Variants in AMTN observed in about 807,000 individuals in gnomAD.
The protein encoded by AMTN is amelotin.
Under a neutral mutation model 27.4 loss-of-function variants are expected in AMTN, and 29 were observed. The ratio of observed to expected loss-of-function variants is 1.06; its 90% CI spans 0.79 to 1.44. The LOEUF is 1.44. AMTN is among the 40% of genes most tolerant of loss of function. The pLI is 0.00. For synonymous variants in AMTN, 86 were observed against 95.7 expected (o/e 0.90, Z 0.59); for missense variants, 247 against 248.8 (o/e 0.99, Z 0.05).
chr4:70,531,370 C>T, intron 8 of AMTN, 70 bp downstream of exon 8: 1 of 1,580,166 alleles, frequency 6.3e-7, no homozygotes, highest in Non-Finnish European at 8.6e-7. Flanking sequence ...AAGAGGAGTT[C>T]TTTGTCTTGC....
intron 5 of AMTN, among the ~76,000 whole-genome samples, 189 bp from the exon 6 acceptor site, chr4:70,528,534 C>G (rs1280597423): frequency 6.6e-6 from 1 of 152,070 alleles, no homozygotes; most frequent in East Asian, 1.9e-4. Context: ...ACTGTAATCC[C>G]AGCTACTCAG....
At chr4:70,528,439 AG>A in intron 5 of AMTN, among the ~76,000 whole-genome samples, 1 of 152,298 alleles carries the variant, frequency 6.6e-6, no homozygotes, top group Admixed American at 6.5e-5. Context: ...TCACAATGTC[AG>A]GAGTTTGAGA....
chr4:70,520,495 A>G (rs1346932007), intron 2 of AMTN, among the ~76,000 whole-genome samples: 3 of 152,242 alleles, frequency 2.0e-5, no homozygotes, highest in African/African-American at 7.2e-5. Flanking sequence ...AAATAAATAC[A>G]AGACAAATCA....
intron 5 of AMTN, among the ~76,000 whole-genome samples, chr4:70,527,080 G>A (rs1418714450): frequency 6.6e-6 from 1 of 152,134 alleles, no homozygotes; most frequent in East Asian, 1.9e-4. Flanking sequence ...CTTATATGAT[G>A]TTGGCCAAGT....
chr4:70,520,161 G>A (rs1211269198), intron 2 of AMTN, among the ~76,000 whole-genome samples: 3 of 152,212 alleles, frequency 2.0e-5, no homozygotes, highest in Non-Finnish European at 4.4e-5. Flanking sequence ...TCTCATGTGA[G>A]GTGGGCTGAG....
intron 2 of AMTN, 27 bp downstream of exon 2, chr4:70,518,858 G>A: frequency 6.3e-7 from 1 of 1,586,626 alleles, no homozygotes; most frequent in Non-Finnish European, 8.7e-7. Context: ...TGTTTTATAT[G>A]CCAGCCAGTT....
chr4:70,519,284 T>C (rs34126245), intron 2 of AMTN, among the ~76,000 whole-genome samples: 67,974 of 152,032 alleles, frequency 0.45, 15,987 homozygotes, highest in Admixed American at 0.52. Flanking sequence ...ATCAAAGGCA[T>C]ATGATTAAAA....
chr4:70,520,844 G>A (rs1451093147), intron 2 of AMTN, among the ~76,000 whole-genome samples: 1 of 152,160 alleles, frequency 6.6e-6, no homozygotes. Context: ...GGAAATTCAA[G>A]TAAAGAAACA....
At chr4:70,520,745 A>C (rs1735935128) in intron 2 of AMTN, among the ~76,000 whole-genome samples, 1 of 152,164 alleles carries the variant, frequency 6.6e-6, no homozygotes, top group Admixed American at 6.5e-5. Context: ...ATCCCAGAGC[A>C]GGGTGAGATG....
Position 70,522,969 on chromosome 4 carries a change from G to T in AMTN, c.138+131G>T, listed in dbSNP as rs528708150. 3.2e-5 allele frequency: 24 copies of T among 746,564 alleles called. No individual in the cohort carries two copies. In the African/African-American group the frequency reaches 4.2e-4, roughly 13 times the overall value. The allele number at this position is 746,564 out of a possible 1,614,324, so 46.2% of individuals were successfully genotyped here. ...ATTTACATGAAGACTGTACAAGACT[G>T]AACAAGAGAGAGGCTTTTCGTTTGG... On this transcript the variant is annotated intron_variant, in intron 3 of 8. Coordinates refer to ENST00000339336, the MANE Select transcript of AMTN (RefSeq NM_212557.4).
chr4:70,524,727 C>G, intron 4 of AMTN, 145 bp from the exon 5 acceptor site: 1 of 743,536 alleles, frequency 1.3e-6, no homozygotes, highest in East Asian at 2.7e-5. Flanking sequence ...ATCTTTGTGT[C>G]TAAGTATACA....
chr4:70,524,959 CAT>C lies in AMTN; in HGVS notation c.293_294del (p.His98ArgfsTer47). ...GLNVQQQLHP[H>X]VLPIFVTQLG... ...GAATGTACAACAGCAACTGCACCCA[CAT>C]GTAAGTTGAACAGCTGGACCTTAGT... On this transcript the variant is annotated frameshift_variant and splice_region_variant, in exon 5 of 9. Transcript: ENST00000339336. LOFTEE classifies it high-confidence loss of function. The C allele has an allele frequency of 6.2e-7, 1 of 1,613,644 alleles. No homozygotes were observed. Among genetic ancestry groups the C allele is most frequent in the Non-Finnish European group, 8.5e-7 (1 of 1,179,596 alleles).
rs192264608 is a variant in AMTN at position 70,526,164 on chromosome 4, C to T, written c.294+1203C>T. Among the ~76,000 whole-genome samples, 974 of 152,140 alleles carry T rather than the reference C, an allele frequency of 6.4e-3. 7 individuals are homozygous for T. Among genetic ancestry groups the T allele is most frequent in the Middle Eastern group, 0.01 (3 of 294 alleles). ...TAAAATTCACTTGGAATCTCATTAG[C>T]CATAATCAAACACTGTCAACATTCT... On this transcript the variant is annotated intron_variant, in intron 5 of 8. Coordinates refer to ENST00000339336, the MANE Select transcript of AMTN (RefSeq NM_212557.4).
intron 5 of AMTN, among the ~76,000 whole-genome samples, chr4:70,527,512 G>A (rs1478150584): frequency 6.6e-6 from 1 of 152,042 alleles, no homozygotes; most frequent in Non-Finnish European, 1.5e-5. Flanking sequence ...GTCCTTTTTT[G>A]TCAGTAGAGA....
At position 70,529,313 on chromosome 4, in the gene AMTN, T is replaced by C. The variant is rs555106583; in HGVS notation, c.357+103T>C. On this transcript the variant is annotated intron_variant, in intron 7 of 8. Transcript: ENST00000339336. Reference sequence around the variant, plus strand: ...GACCATAAATCCTAAATATGGTATGTACTACAATGAACTGAACATTTTTAT... The same window carrying C: ...GACCATAAATCCTAAATATGGTATGCACTACAATGAACTGAACATTTTTAT... 2.1e-5 allele frequency: 17 copies of C among 795,892 alleles called. No individual in the cohort carries two copies. The South Asian group carries it at 4.4e-4, about 21-fold the overall frequency. 49.3% of individuals were successfully genotyped at this position (795,892 alleles called of 1,614,324 possible).
chr4:70,524,048 A>G, intron 4 of AMTN, 115 bp downstream of exon 4: 1 of 755,618 alleles, frequency 1.3e-6, no homozygotes, highest in Non-Finnish European at 2.1e-6. Flanking sequence ...AAACACACAT[A>G]TACTTATTCA....
At chr4:70,523,419 T>G (rs904451918) in intron 3 of AMTN, among the ~76,000 whole-genome samples, 13 of 152,218 alleles carry the variant, frequency 8.5e-5, no homozygotes, top group African/African-American at 3.1e-4. Flanking sequence ...GCTTACCTAC[T>G]TCTACATTTT....
rs763143860 is a variant in AMTN, at chr4:70,521,640, C to CTTTTTTTTT, written c.55-1087_55-1079dup. Among the ~76,000 whole-genome samples the CTTTTTTTTT allele has an allele frequency of 2.9e-3, 220 of 76,472 alleles. 43 individuals carry two copies. Among genetic ancestry groups the CTTTTTTTTT allele is most frequent in the East Asian group, 4.8e-3 (9 of 1,882 alleles). The allele number at this position is 76,472 out of a possible 152,430, so 50.2% of individuals were successfully genotyped here. A position where few individuals can be genotyped will look rare whatever the true frequency, so the allele number is the denominator to read the frequency against. On this transcript the variant is annotated intron_variant, in intron 2 of 8. Coordinates refer to ENST00000339336, the MANE Select transcript of AMTN (RefSeq NM_212557.4). ...CCTAGAACAGATAATACCAACCTCTCTTTTTTTTTTTTTTTTTTTTTTTTT... is the reference window on the plus strand; with the variant it reads ...CCTAGAACAGATAATACCAACCTCTCTTTTTTTTTTTTTTTTTTTTTTTTTTTTTTTTTT...
chr4:70,520,406 A>G (rs548343082), intron 2 of AMTN, among the ~76,000 whole-genome samples: 13 of 152,368 alleles, frequency 8.5e-5, no homozygotes, highest in African/African-American at 2.9e-4. Flanking sequence ...ATGTGGACAC[A>G]TACAACAGCC....
Sources: gnomAD v4.1 joint callset for allele counts (sites outside exome capture counted in the v4.1 genomes callset) on GRCh38, gnomAD v4.1.1 for gene constraint, MANE v1.5 for transcripts, NCBI Gene and HGNC (gene_info 2026-07-23, HGNC 2026-07-21) for gene names.